CAP2: variants seen among roughly 807,000 people sequenced by gnomAD.
The protein encoded by CAP2 is adenylyl cyclase-associated protein 2.
In CAP2, 24 loss-of-function variants were observed where a neutral mutation model predicts 57.7. The ratio of observed to expected loss-of-function variants is 0.42; its 90% CI spans 0.30 to 0.58. The LOEUF is 0.58. Ranked by LOEUF, CAP2 falls within the 20% of genes least tolerant of loss-of-function variation. The probability of loss-of-function intolerance (pLI) is 0.22; values close to 1 mark genes in which losing one functional copy is unlikely to be tolerated. For missense variants in CAP2, 501 were observed against 590.3 expected, an observed-to-expected ratio of 0.85 and a Z score of 1.57; for synonymous variants, 194 against 207.2, an observed-to-expected ratio of 0.94 and a Z score of 0.55.
intron 3 of CAP2, among the ~76,000 whole-genome samples, chr6:17,437,711 T>C (rs976792275): frequency 3.3e-5 from 5 of 151,868 alleles, no homozygotes; most frequent in Non-Finnish European, 7.4e-5. Flanking sequence ...ACCCTGTCTC[T>C]ACTAAAAATA....
chr6:17,434,490 A>G (rs189752009), intron 3 of CAP2, among the ~76,000 whole-genome samples: 2,473 of 152,162 alleles, frequency 0.016, 30 homozygotes, highest in Non-Finnish European at 0.029. Flanking sequence ...CGGCCTCCCA[A>G]AGTGCTGGGA....
At position 17,410,701 on chromosome 6, in the gene CAP2, G is replaced by C. The variant is rs7768149; in HGVS notation, c.-1-10854G>C. On this transcript the variant is annotated intron_variant, in intron 1 of 12. Coordinates refer to ENST00000229922, the MANE Select transcript of CAP2 (RefSeq NM_006366.3). The stretch of plus-strand genomic sequence containing the variant: ...ACCTCCCGAGTAGCTGGGACTACAG[G>C]TGACCGCCACCACGCCTGGTCAACT... Among the ~76,000 whole-genome samples the C allele has an allele frequency of 7.1e-3, 1,073 of 152,114 alleles. 12 individuals are homozygous for C. The highest frequency in any genetic ancestry group is 0.024 in the African/African-American group (993 of 41,462).
intron 7 of CAP2, among the ~76,000 whole-genome samples, chr6:17,519,873 A>G (rs1262251944): frequency 6.6e-6 from 1 of 152,244 alleles, no homozygotes; most frequent in Non-Finnish European, 1.5e-5. Flanking sequence ...CTGCTCAGAT[A>G]AAGGTCATGT....
At chr6:17,482,922 T>C (rs1761327810) in intron 4 of CAP2, among the ~76,000 whole-genome samples, 2 of 152,240 alleles carry the variant, frequency 1.3e-5, no homozygotes, top group African/African-American at 4.8e-5. Context: ...TCAGGCATTG[T>C]TCTATTGTTA....
intron 4 of CAP2, among the ~76,000 whole-genome samples, chr6:17,491,858 C>T (rs567451730): frequency 1.3e-5 from 2 of 152,302 alleles, no homozygotes; most frequent in South Asian, 4.2e-4. Flanking sequence ...TTATAGTAAG[C>T]AATCAGTAAA....
At chr6:17,421,259 G>C (rs777718202) in intron 1 of CAP2, among the ~76,000 whole-genome samples, 2 of 151,960 alleles carry the variant, frequency 1.3e-5, no homozygotes, top group Non-Finnish European at 2.9e-5. Flanking sequence ...GGGGATGAGG[G>C]ACAAAAGACT....
At chr6:17,497,974 G>C (rs3777704) in intron 4 of CAP2, among the ~76,000 whole-genome samples, 1 of 152,218 alleles carries the variant, frequency 6.6e-6, no homozygotes, top group African/African-American at 2.4e-5. Flanking sequence ...TTGTAACATC[G>C]TGGGTCATTG....
intron 4 of CAP2, among the ~76,000 whole-genome samples, chr6:17,490,914 T>C (rs1761527837): frequency 6.6e-6 from 1 of 152,224 alleles, no homozygotes; most frequent in Admixed American, 6.5e-5. Flanking sequence ...ATGTCAGCTA[T>C]AAGCTCAGCC....
At chr6:17,527,400 T>C (rs980943277) in intron 7 of CAP2, among the ~76,000 whole-genome samples, 2 of 152,298 alleles carry the variant, frequency 1.3e-5, no homozygotes, top group African/African-American at 4.8e-5. Flanking sequence ...TTATCTTTCC[T>C]TTTTTATGAG....
intron 1 of CAP2, among the ~76,000 whole-genome samples, chr6:17,406,519 G>A (rs1269491773): frequency 6.6e-6 from 1 of 151,112 alleles, no homozygotes. Context: ...TCAGCCTCCT[G>A]CATAGCTGGG....
chr6:17,479,585 A>G (rs1268222889), intron 4 of CAP2, among the ~76,000 whole-genome samples: 1 of 151,698 alleles, frequency 6.6e-6, no homozygotes, highest in Non-Finnish European at 1.5e-5. Flanking sequence ...GAAAGGAAGA[A>G]GAGAAAAAGA....
At chr6:17,444,020 G>A (rs540364699) in intron 3 of CAP2, among the ~76,000 whole-genome samples, 1 of 152,134 alleles carries the variant, frequency 6.6e-6, no homozygotes, top group Non-Finnish European at 1.5e-5. Flanking sequence ...AAATAGTGAG[G>A]TACTTGGAAT....
chr6:17,398,678 C>T (rs1000593225), intron 1 of CAP2, among the ~76,000 whole-genome samples: 4 of 151,962 alleles, frequency 2.6e-5, no homozygotes, highest in African/African-American at 9.7e-5. Context: ...GTGCCCACCA[C>T]CACGCCCGGC....
intron 1 of CAP2, among the ~76,000 whole-genome samples, chr6:17,418,960 C>A (rs932396115): frequency 3.3e-5 from 5 of 152,100 alleles, no homozygotes; most frequent in Admixed American, 6.6e-5. Flanking sequence ...AATTTTGAAT[C>A]CCCTTAGGAT....
At chr6:17,528,277 T>C (rs1204624631) in intron 7 of CAP2, among the ~76,000 whole-genome samples, 1 of 152,244 alleles carries the variant, frequency 6.6e-6, no homozygotes, top group African/African-American at 2.4e-5. Context: ...TTATAATAGG[T>C]TTATGGGACG....
chr6:17,540,465 T>A (rs940422795), intron 8 of CAP2, among the ~76,000 whole-genome samples: 94 of 146,374 alleles, frequency 6.4e-4, no homozygotes, highest in African/African-American at 2.2e-3. Flanking sequence ...AAAAAAAAAA[T>A]ACTTGGCTGG....
chr6:17,435,702 A>AAAG (rs1191437152), intron 3 of CAP2, among the ~76,000 whole-genome samples: 24 of 139,388 alleles, frequency 1.7e-4, no homozygotes, highest in African/African-American at 7.2e-4. Context: ...AAAAAAAAAA[A>AAAG]AAGAAGTTTA....
chr6:17,539,716 C>T (rs1762856015), intron 8 of CAP2, among the ~76,000 whole-genome samples: 1 of 152,140 alleles, frequency 6.6e-6, no homozygotes, highest in South Asian at 2.1e-4. Context: ...TGTGCTGCAT[C>T]CTTGCTTTAG....
chr6:17,413,612 AAATG>A (rs961299552), intron 1 of CAP2, among the ~76,000 whole-genome samples: 2 of 152,250 alleles, frequency 1.3e-5, no homozygotes, highest in Admixed American at 1.3e-4. Context: ...GCCAGTTAAA[AAATG>A]AATGAATGAA....
Sources: gnomAD v4.1 joint callset for allele counts (sites outside exome capture counted in the v4.1 genomes callset) on GRCh38, gnomAD v4.1.1 for gene constraint, MANE v1.5 for transcripts, NCBI Gene and HGNC (gene_info 2026-07-23, HGNC 2026-07-21) for gene names.